FRMD5: variants seen among roughly 807,000 people sequenced by gnomAD.
The protein encoded by FRMD5 is FERM domain-containing protein 5.
FRMD5 carries 20 observed loss-of-function variants against 69.0 expected under a neutral mutation model. The ratio of observed to expected loss-of-function variants is 0.29; its 90% confidence interval spans 0.20 to 0.42. The LOEUF (loss-of-function observed/expected upper bound fraction) is 0.42, where lower values mean the gene tolerates loss of function less well. Among genes scored for constraint, FRMD5 ranks in the 10% least tolerant of loss-of-function variants. The pLI, the probability that FRMD5 is intolerant of heterozygous loss-of-function variation, is 1.00. For missense variants in FRMD5, 595 were observed against 708.6 expected, an observed-to-expected ratio of 0.84 and a Z score of 1.82; for synonymous variants, 271 against 260.1, an observed-to-expected ratio of 1.04 and a Z score of -0.40.
At chr15:43,973,434 C>T (rs1274373405) in intron 1 of FRMD5, among the ~76,000 whole-genome samples, 4 of 151,156 alleles carry the variant, frequency 2.6e-5, no homozygotes, top group African/African-American at 9.7e-5. Flanking sequence ...GGCACGATAT[C>T]TCCGCTCACT....
chr15:43,950,588 T>C (rs181900485), intron 1 of FRMD5, among the ~76,000 whole-genome samples: 2 of 152,248 alleles, frequency 1.3e-5, no homozygotes, highest in East Asian at 3.9e-4. Flanking sequence ...TAACCTCAGT[T>C]TCACCTGCAG....
intron 4 of FRMD5, among the ~76,000 whole-genome samples, chr15:43,916,912 G>A (rs2089399467): frequency 6.6e-6 from 1 of 151,790 alleles, no homozygotes; most frequent in Non-Finnish European, 1.5e-5. Flanking sequence ...CCGAGAAGCA[G>A]GGATTAAAGG....
At chr15:44,094,122 T>C (rs2076516278) in intron 1 of FRMD5, among the ~76,000 whole-genome samples, 1 of 152,146 alleles carries the variant, frequency 6.6e-6, no homozygotes, top group Non-Finnish European at 1.5e-5. Flanking sequence ...TTTCTTCTCC[T>C]GAGAGTTTGG....
At chr15:43,985,918 G>C (rs957171812) in intron 1 of FRMD5, among the ~76,000 whole-genome samples, 1 of 152,228 alleles carries the variant, frequency 6.6e-6, no homozygotes, top group Non-Finnish European at 1.5e-5. Context: ...CTGAATGTCA[G>C]AGTAGATAAC....
intron 7 of FRMD5, among the ~76,000 whole-genome samples, chr15:43,897,013 T>G (rs2088926319): frequency 3.3e-5 from 5 of 152,072 alleles, no homozygotes. Context: ...AGGCACCCTG[T>G]AAGAGATTTG....
chr15:44,075,585 T>C (rs755793054), intron 1 of FRMD5, among the ~76,000 whole-genome samples: 1 of 152,186 alleles, frequency 6.6e-6, no homozygotes, highest in African/African-American at 2.4e-5. Context: ...TAGACAGTAC[T>C]TTCCTTTTAA....
intron 1 of FRMD5, among the ~76,000 whole-genome samples, chr15:43,983,971 A>G (rs1027100725): frequency 6.6e-5 from 10 of 152,364 alleles, no homozygotes; most frequent in African/African-American, 2.4e-4. Context: ...AATGGCTACA[A>G]GACACATTAG....
At chr15:44,128,280 G>A (rs1335413231) in intron 1 of FRMD5, among the ~76,000 whole-genome samples, 1 of 152,068 alleles carries the variant, frequency 6.6e-6, no homozygotes, top group African/African-American at 2.4e-5. Flanking sequence ...AGGAGTTCAA[G>A]ACCAGCCTGG....
intron 1 of FRMD5, among the ~76,000 whole-genome samples, chr15:44,114,019 A>C (rs1026169397): frequency 1.4e-4 from 21 of 152,206 alleles, no homozygotes; most frequent in African/African-American, 3.6e-4. Context: ...ATCTCTATCT[A>C]TAACAGTCGT....
chr15:44,105,196 C>A (rs989025818), intron 1 of FRMD5, among the ~76,000 whole-genome samples: 1 of 151,600 alleles, frequency 6.6e-6, no homozygotes, highest in African/African-American at 2.4e-5. Flanking sequence ...CTCACCTCAG[C>A]CTCTTGAGTA....
chr15:44,017,490 T>C (rs899021238), intron 1 of FRMD5, among the ~76,000 whole-genome samples: 1 of 152,204 alleles, frequency 6.6e-6, no homozygotes, highest in Non-Finnish European at 1.5e-5. Context: ...TAACTATTTA[T>C]TTAGTACATT....
intron 1 of FRMD5, among the ~76,000 whole-genome samples, chr15:43,925,403 T>C (rs1302518788): frequency 6.6e-6 from 1 of 152,220 alleles, no homozygotes; most frequent in African/African-American, 2.4e-5. Flanking sequence ...ATTTTTAAGC[T>C]CTTTTCTCCC....
chr15:44,077,083 GCTCA>G (rs1893802330), intron 1 of FRMD5, among the ~76,000 whole-genome samples: 1 of 151,962 alleles, frequency 6.6e-6, no homozygotes, highest in Non-Finnish European at 1.5e-5. Flanking sequence ...CATTTCTTTT[GCTCA>G]CTCTCTTGGA....
At chr15:43,937,320 C>T (rs1372096208) in intron 1 of FRMD5, among the ~76,000 whole-genome samples, 42 of 152,080 alleles carry the variant, frequency 2.8e-4, no homozygotes, top group Non-Finnish European at 5.9e-5. Flanking sequence ...AAATAAACTC[C>T]GGGACAGAGT....
At position 43,888,222 on chromosome 15, in the gene FRMD5, C is replaced by T. The variant is rs146360810; in HGVS notation, c.837G>A (p.Ala279=). The T allele has an allele frequency of 9.6e-5, 155 of 1,614,004 alleles. No homozygotes were observed. Among genetic ancestry groups the T allele is most frequent in the Admixed American group, 1.5e-4 (9 of 60,000 alleles). ...ILTYFAPTPE[A]CKHLWKCGIE... is the part of the protein sequence containing the mutation. ...TTCCACATTTCCAGAGGTGCTTACA[C>T]GCTTCAGGAGTTGGAGCAAAATATG... is the stretch of plus-strand genomic sequence containing the variant. The change falls in exon 10 of 14, where the codon GCG becomes GCA. Residue 279 remains alanine (A), a synonymous_variant. Transcript: ENST00000417257.
At chr15:44,028,887 A>G (rs923506328) in intron 1 of FRMD5, among the ~76,000 whole-genome samples, 2 of 152,186 alleles carry the variant, frequency 1.3e-5, no homozygotes, top group Admixed American at 6.5e-5. Context: ...ACTAGACTGG[A>G]TATTTAGGTA....
intron 1 of FRMD5, among the ~76,000 whole-genome samples, chr15:43,946,180 G>C (rs1410341478): frequency 6.6e-6 from 1 of 152,104 alleles, no homozygotes; most frequent in African/African-American, 2.4e-5. Flanking sequence ...TTCTTTTAAA[G>C]GCAAAGCTCT....
At chr15:44,074,398 AAT>A (rs1893669720) in intron 1 of FRMD5, among the ~76,000 whole-genome samples, 1 of 152,254 alleles carries the variant, frequency 6.6e-6, no homozygotes, top group African/African-American at 2.4e-5. Context: ...TTATTTAATC[AAT>A]AGAGAATAAT....
chr15:43,933,681 CTG>C, intron 1 of FRMD5, among the ~76,000 whole-genome samples: 1 of 152,232 alleles, frequency 6.6e-6, no homozygotes, highest in Non-Finnish European at 1.5e-5. Context: ...GAGCATTAGA[CTG>C]TGAGTTAAAT....
Sources: allele counts gnomAD v4.1 joint callset (sites outside exome capture counted in the v4.1 genomes callset), GRCh38; gene constraint gnomAD v4.1.1; transcripts MANE v1.5; gene names NCBI Gene and HGNC (gene_info 2026-07-23, HGNC 2026-07-21).